Variants in SNTN observed in about 807,000 individuals in gnomAD.
The protein encoded by SNTN is sentan, cilia apical structure protein.
SNTN carries 13 observed loss-of-function variants against 12.3 expected under a neutral mutation model. That is an observed-to-expected ratio of 1.05 (90% CI 0.69 to 1.67). The LOEUF (loss-of-function observed/expected upper bound fraction) is 1.67, where lower values mean the gene tolerates loss of function less well. Among genes scored for constraint, SNTN ranks in the 40% most tolerant of loss-of-function variants. SNTN has a pLI of 0.00. For missense variants in SNTN, 189 were observed against 169.8 expected, an observed-to-expected ratio of 1.11 and a Z score of -0.63; for synonymous variants, 69 against 58.5, an observed-to-expected ratio of 1.18 and a Z score of -0.82.
intron 2 of SNTN, among the ~76,000 whole-genome samples, chr3:63,657,286 T>G (rs1700690678): frequency 6.6e-6 from 1 of 152,184 alleles, no homozygotes; most frequent in African/African-American, 2.4e-5. Flanking sequence ...TGTCTTTCCC[T>G]GCACCCCCAT....
At chr3:63,655,323 T>C (rs1700665943) in intron 2 of SNTN, among the ~76,000 whole-genome samples, 1 of 152,198 alleles carries the variant, frequency 6.6e-6, no homozygotes, top group Non-Finnish European at 1.5e-5. Context: ...CTTGTATACT[T>C]GGATCATTCT....
chr3:63,663,259 T>A (rs1175938976), intron 3 of SNTN, among the ~76,000 whole-genome samples: 1 of 152,140 alleles, frequency 6.6e-6, no homozygotes, highest in East Asian at 1.9e-4. Context: ...TTGGCGCAAG[T>A]CTCTTAATTA....
intron 1 of SNTN, among the ~76,000 whole-genome samples, chr3:63,654,404 A>T (rs1700653506): frequency 6.6e-6 from 1 of 152,166 alleles, no homozygotes; most frequent in Admixed American, 6.5e-5. Flanking sequence ...TGGCTTCTAA[A>T]GTCTTCCTGA....
At chr3:63,663,813 AT>A (rs1360254049) in intron 3 of SNTN, 123 bp from the exon 4 acceptor site, 1 of 1,281,140 alleles carries the variant, frequency 7.8e-7, no homozygotes, top group East Asian at 2.4e-5. Context: ...TTTTTTCTTT[AT>A]AAATCACTCA....
rs569296932 is a variant in SNTN at position 63,663,984 on chromosome 3, T to A, written c.333T>A (p.Asp111Glu). The A allele has an allele frequency of 6.2e-7, 1 of 1,613,914 alleles. No individual in the cohort carries two copies. ...ACAGAGAGATCCTTTCTGAACTTGA[T>A]GAGCACACAGAAAATAAGCTAGATT... is the stretch of plus-strand genomic sequence containing the variant. ...PKYREILSEL[D>E]EHTENKLDFE... Residue 111 changes from aspartate to glutamate, a missense_variant, in exon 4 of 4, where the codon GAT becomes GAA. Coordinates refer to ENST00000343837, the MANE Select transcript of SNTN (RefSeq NM_001080537.2).
rs1700789774 is a variant in SNTN, at chr3:63,665,102, T to C, written c.*1007T>C. Among the ~76,000 whole-genome samples the C allele has an allele frequency of 6.6e-6, 1 of 152,040 alleles. No homozygotes were observed. Among genetic ancestry groups the C allele is most frequent in the African/African-American group, 2.4e-5 (1 of 41,406 alleles). On this transcript the variant is annotated 3_prime_UTR_variant, in exon 4 of 4. Coordinates refer to ENST00000343837, the MANE Select transcript of SNTN (RefSeq NM_001080537.2). ...AATGGTCTCCATTTTGATTGTGAGG[T>C]GGTGGCTACAAGATTGCATGCATTT...
intron 3 of SNTN, among the ~76,000 whole-genome samples, chr3:63,661,750 G>A (rs2106943816): frequency 6.6e-6 from 1 of 151,650 alleles, no homozygotes; most frequent in South Asian, 2.1e-4. Flanking sequence ...AGGAAAGGAT[G>A]GGTAAATAAA....
rs1345696533 is a variant in SNTN at position 63,664,035 on chromosome 3, A to G, written c.384A>G (p.Leu128=). 1 of 1,613,944 alleles carries G rather than the reference A, an allele frequency of 6.2e-7. No homozygotes were observed. Among genetic ancestry groups the G allele is most frequent in the Non-Finnish European group, 8.5e-7 (1 of 1,179,932 alleles). ...LDFEDFMILL[L]SITVMSDLLQ... ...TTGAAGACTTCATGATCTTGCTCTT[A>G]AGCATCACTGTCATGTCAGATCTGC... Residue 128 remains leucine, a synonymous_variant, in exon 4 of 4, where the codon TTA becomes TTG. Transcript: ENST00000343837.
intron 2 of SNTN, among the ~76,000 whole-genome samples, chr3:63,655,721 T>TA (rs142867680): frequency 9.9e-5 from 15 of 152,000 alleles, no homozygotes; most frequent in South Asian, 4.2e-4. Flanking sequence ...TCTTATGCCT[T>TA]AAAAAAAACA....
At chr3:63,657,705 C>A (rs1700695990) in intron 2 of SNTN, among the ~76,000 whole-genome samples, 1 of 152,154 alleles carries the variant, frequency 6.6e-6, no homozygotes, top group Admixed American at 6.5e-5. Context: ...CAGACCTGAA[C>A]TTCATCAGAG....
chr3:63,652,836 A>C (rs963427234), intron 1 of SNTN, 39 bp downstream of exon 1: 7 of 1,571,508 alleles, frequency 4.5e-6, no homozygotes, highest in Non-Finnish European at 6.1e-6. Context: ...AGTTTCATTT[A>C]AGCTTGCAGA....
chr3:63,654,474 ATTCAC>A (rs1270032938), intron 1 of SNTN, among the ~76,000 whole-genome samples: 2 of 152,146 alleles, frequency 1.3e-5, no homozygotes, highest in African/African-American at 4.8e-5. Flanking sequence ...CATGGAAGGT[ATTCAC>A]TTCTCTTCTG....
chr3:63,664,029 G>C lies in SNTN; in HGVS notation c.378G>C (p.Leu126Phe). The change falls in exon 4 of 4, where the codon TTG becomes TTC. Residue 126 changes from leucine (L) to phenylalanine (F), a missense_variant. Leu to Phe is a conservative substitution (Grantham distance 22). Coordinates refer to ENST00000343837, the MANE Select transcript of SNTN (RefSeq NM_001080537.2). ...NKLDFEDFMI[L>F]LLSITVMSDL... ...TAGATTTTGAAGACTTCATGATCTT[G>C]CTCTTAAGCATCACTGTCATGTCAG... The C allele has an allele frequency of 6.2e-7, 1 of 1,613,818 alleles. No homozygotes were observed. Among genetic ancestry groups the C allele is most frequent in the Non-Finnish European group, 8.5e-7 (1 of 1,179,900 alleles).
chr3:63,664,907 G>A lies in SNTN; in HGVS notation c.*812G>A, dbSNP rs147068134. 3.4e-4 allele frequency among the ~76,000 whole-genome samples: 52 copies of A among 151,970 alleles called. 1 individual carries two copies. In the East Asian group the frequency reaches 3.9e-3, roughly 11 times the overall value. ...AGCTGGGATTACAGGCGTGTGCCAC[G>A]ATGCCAGGCTAATTTTTTTTGTATT... is the stretch of plus-strand genomic sequence containing the variant. On this transcript the variant is annotated 3_prime_UTR_variant, in exon 4 of 4. Coordinates refer to ENST00000343837, the MANE Select transcript of SNTN (RefSeq NM_001080537.2).
At chr3:63,661,870 A>G (rs1700746934) in intron 3 of SNTN, among the ~76,000 whole-genome samples, 1 of 152,178 alleles carries the variant, frequency 6.6e-6, no homozygotes, top group South Asian at 2.1e-4. Flanking sequence ...AGCTTTTAAC[A>G]CATATGAAAA....
intron 1 of SNTN, among the ~76,000 whole-genome samples, chr3:63,654,119 G>T (rs565465199): frequency 1.3e-5 from 2 of 151,984 alleles, no homozygotes; most frequent in Non-Finnish European, 2.9e-5. Flanking sequence ...ACTTTTTATC[G>T]AGTTACCTGC....
At position 63,663,960 on chromosome 3, in the gene SNTN, C is replaced by G; in HGVS notation, c.309C>G (p.Tyr103Ter). Reference protein sequence around the residue: ...FAEGQETKPKYREILSELDEH... With the variant: ...FAEGQETKPK ...AGGGACAAGAAACCAAGCCAAAATA[C>G]AGAGAGATCCTTTCTGAACTTGATG... is the stretch of plus-strand genomic sequence containing the variant. Residue 103 changes from tyrosine to a stop codon, truncating the protein, a stop_gained, in exon 4 of 4, where the codon TAC becomes TAG. Coordinates refer to ENST00000343837, the MANE Select transcript of SNTN (RefSeq NM_001080537.2). LOFTEE classifies it high-confidence loss of function. 6.2e-7 allele frequency: 1 copy of G among 1,612,514 alleles called. No homozygotes were observed. The highest frequency in any genetic ancestry group is 8.5e-7 in the Non-Finnish European group (1 of 1,179,638).
rs780417755 is a variant in SNTN at position 63,654,772 on chromosome 3, T to G, written c.121T>G (p.Ser41Ala). The G allele has an allele frequency of 1.9e-5, 31 of 1,613,088 alleles. No individual in the cohort carries two copies. The highest frequency in any genetic ancestry group is 2.6e-5 in the Non-Finnish European group (31 of 1,179,464). ...PRKMPKRISISKQLASVKALR... is the reference protein window; with the variant it reads ...PRKMPKRISIAKQLASVKALR... ...TCATTTTGTTGGCAGGATTTCAATA[T>G]CCAAACAACTGGCTTCAGTGAAAGG... Residue 41 changes from serine (S) to alanine (A), a missense_variant, in exon 2 of 4, where the codon TCC becomes GCC. Ser to Ala is a moderately conservative substitution (Grantham distance 99). Transcript: ENST00000343837.
chr3:63,660,888 A>C, intron 3 of SNTN, among the ~76,000 whole-genome samples: 1 of 152,214 alleles, frequency 6.6e-6, no homozygotes, highest in Admixed American at 6.5e-5. Context: ...GTATATAATC[A>C]GTCACTGGCC....
Sources: gnomAD v4.1 joint callset for allele counts (sites outside exome capture counted in the v4.1 genomes callset) on GRCh38, gnomAD v4.1.1 for gene constraint, MANE v1.5 for transcripts, NCBI Gene and HGNC (gene_info 2026-07-23, HGNC 2026-07-21) for gene names.